Variants in HAUS2 observed in about 807,000 individuals in gnomAD.
HAUS2 encodes HAUS augmin-like complex subunit 2.
Under a neutral mutation model 21.6 loss-of-function variants are expected in HAUS2, and 20 were observed. That is an observed-to-expected ratio of 0.93 (90% CI 0.65 to 1.35). The LOEUF is 1.35. Ranked by LOEUF, HAUS2 falls within the 40% of genes most tolerant of loss-of-function variation. The pLI is 0.00. For synonymous variants in HAUS2, 113 were observed against 95.6 expected (o/e 1.18, Z -1.06); for missense variants, 297 against 280.7 (o/e 1.06, Z -0.42).
intron 1 of HAUS2, among the ~76,000 whole-genome samples, chr15:42,556,752 C>CGCAGCATT (rs2057780658): frequency 6.6e-6 from 1 of 151,336 alleles, no homozygotes; most frequent in Admixed American, 6.6e-5. Flanking sequence ...CGCCTGTAAT[C>CGCAGCATT]TGGGCACTCT....
chr15:42,554,063 A>G (rs1481023169), intron 1 of HAUS2, among the ~76,000 whole-genome samples: 1 of 152,216 alleles, frequency 6.6e-6, no homozygotes, highest in Non-Finnish European at 1.5e-5. Flanking sequence ...TAGAGTATTA[A>G]CTGGATTTTA....
At chr15:42,559,986 T>C (rs985884932) in intron 3 of HAUS2, among the ~76,000 whole-genome samples, 12 of 152,050 alleles carry the variant, frequency 7.9e-5, no homozygotes, top group African/African-American at 2.7e-4. Flanking sequence ...AAACCCTATC[T>C]CTACAAAAAA....
intron 1 of HAUS2, among the ~76,000 whole-genome samples, chr15:42,554,735 C>A (rs1264002513): frequency 1.3e-5 from 2 of 151,748 alleles, no homozygotes; most frequent in East Asian, 3.9e-4. Flanking sequence ...AGGTGATCTA[C>A]CCCCTCGGCC....
chr15:42,563,781 C>A lies in HAUS2; in HGVS notation c.422C>A (p.Thr141Asn). 1 of 1,577,662 alleles carries A rather than the reference C, an allele frequency of 6.3e-7. No individual in the cohort carries two copies. Among genetic ancestry groups the A allele is most frequent in the Non-Finnish European group, 8.7e-7 (1 of 1,151,336 alleles). ...YMVHLLELAV[T>N]FIERLETHLE... Reference sequence around the variant, plus strand: ...GTACATTTGCTGGAGTTGGCTGTGACTTTCATTGAGAGATTAGAAACCCAC... The same window carrying A: ...GTACATTTGCTGGAGTTGGCTGTGAATTTCATTGAGAGATTAGAAACCCAC... The change falls in exon 5 of 6, where the codon ACT (threonine) becomes AAT (asparagine). Residue 141 changes from threonine (T) to asparagine (N), a missense_variant. Thr to Asn is a moderately conservative substitution (Grantham distance 65, BLOSUM62 0). Transcript: ENST00000260372.
chr15:42,548,914 C>G lies in HAUS2; in HGVS notation c.42C>G (p.Asn14Lys), dbSNP rs1298050770. The G allele has an allele frequency of 6.5e-7, 1 of 1,548,518 alleles. No individual in the cohort carries two copies. The highest frequency in any genetic ancestry group is 8.7e-7 in the Non-Finnish European group (1 of 1,145,348). The change falls in exon 1 of 6, where the codon AAC becomes AAG. Residue 14 changes from asparagine (N) to lysine (K), a missense_variant. Transcript: ENST00000260372. Reference sequence around the variant, plus strand: ...CGTGGGACCCGGCGTCCGCGCCTAACGGCGCTGGGCTAGTGCTAGGCCACT... The same window carrying G: ...CGTGGGACCCGGCGTCCGCGCCTAAGGGCGCTGGGCTAGTGCTAGGCCACT... Reference protein sequence around the residue: ...ANPWDPASAPNGAGLVLGHFI... With the variant: ...ANPWDPASAPKGAGLVLGHFI...
rs777869111 is a variant in HAUS2, at chr15:42,558,185, C to T, written c.94-13C>T. ...GTGACATTCTGCTACTTTCCTTATT[C>T]ATTTACCAATAGGAGATGTTAAACA... On this transcript the variant is annotated splice_polypyrimidine_tract_variant and intron_variant, in intron 1 of 5. Coordinates refer to ENST00000260372, the MANE Select transcript of HAUS2 (RefSeq NM_018097.3). 8.4e-7 allele frequency: 1 copy of T among 1,188,636 alleles called. No homozygotes were observed. Among genetic ancestry groups the T allele is most frequent in the South Asian group, 1.3e-5 (1 of 77,698 alleles). The allele number at this position is 1,188,636 out of a possible 1,614,324, so 73.6% of individuals were successfully genotyped here.
chr15:42,557,189 G>C (rs1369765637), intron 1 of HAUS2, among the ~76,000 whole-genome samples: 1 of 144,994 alleles, frequency 6.9e-6, no homozygotes, highest in African/African-American at 2.5e-5. Context: ...GGTGGTGGGC[G>C]CCTGTAGTCC....
At chr15:42,559,840 G>T (rs1034532939) in intron 3 of HAUS2, among the ~76,000 whole-genome samples, 2 of 152,114 alleles carry the variant, frequency 1.3e-5, no homozygotes, top group Non-Finnish European at 2.9e-5. Context: ...ACCATGGCTG[G>T]CAATGTTTTG....
intron 5 of HAUS2, among the ~76,000 whole-genome samples, chr15:42,564,414 C>A (rs748784253): frequency 6.6e-6 from 1 of 151,818 alleles, no homozygotes; most frequent in African/African-American, 2.4e-5. Flanking sequence ...TTCATTGTGC[C>A]GTGGCTATGC....
At chr15:42,559,299 T>G in intron 2 of HAUS2, 40 bp from the exon 3 acceptor site, 1 of 1,278,244 alleles carries the variant, frequency 7.8e-7, no homozygotes, top group African/African-American at 1.5e-5. Context: ...CCATGGACAC[T>G]TTCTGATTGA....
rs878864583 is a variant in HAUS2 at position 42,569,284 on chromosome 15, G to A, written c.*2468G>A. ...GTACATCAGTTTTGTTTTTTGTTTT[G>A]TTCTTTTCTTTCCTTTTTTTTTTTT... On this transcript the variant is annotated 3_prime_UTR_variant, in exon 6 of 6. Transcript: ENST00000260372. 7.3e-6 allele frequency: 1 copy of A among 136,276 alleles called. No individual in the cohort carries two copies. The highest frequency in any genetic ancestry group is 2.2e-4 in the East Asian group (1 of 4,644). 8.4% of individuals were successfully genotyped at this position (136,276 alleles called of 1,614,324 possible).
At chr15:42,566,405 T>C (rs149660527) in intron 5 of HAUS2, among the ~76,000 whole-genome samples, 2 of 152,282 alleles carry the variant, frequency 1.3e-5, no homozygotes, top group East Asian at 1.9e-4. Context: ...GTCATCTGCA[T>C]TGAGTGATTA....
In HAUS2 at chr15:42,558,179, C is replaced by G. The variant is rs1039198065; in HGVS notation, c.94-19C>G. Reference sequence around the variant, plus strand: ...CTTTTTGTGACATTCTGCTACTTTCCTTATTCATTTACCAATAGGAGATGT... The same window carrying G: ...CTTTTTGTGACATTCTGCTACTTTCGTTATTCATTTACCAATAGGAGATGT... On this transcript the variant is annotated intron_variant, in intron 1 of 5. Coordinates refer to ENST00000260372, the MANE Select transcript of HAUS2 (RefSeq NM_018097.3). The G allele has an allele frequency of 5.5e-6, 6 of 1,091,444 alleles. No individual in the cohort carries two copies. The highest frequency in any genetic ancestry group is 1.8e-5 in the Admixed American group (1 of 54,248). The allele number at this position is 1,091,444 out of a possible 1,614,324, so 67.6% of individuals were successfully genotyped here. A position where few individuals can be genotyped will look rare whatever the true frequency, so the allele number is the denominator to read the frequency against.
Position 42,569,670 on chromosome 15 carries a change from G to A in HAUS2, c.*2854G>A, listed in dbSNP as rs2057941787. 6.6e-6 allele frequency: 1 copy of A among 152,132 alleles called. No individual in the cohort carries two copies. Among genetic ancestry groups the A allele is most frequent in the African/African-American group, 2.4e-5 (1 of 41,420 alleles). The allele number at this position is 152,132 out of a possible 1,614,324, so 9.4% of individuals were successfully genotyped here. ...TAAGTAGTTGTTTATAAGGAAGCAGGATCATTACCAAAATAAATCCTGCTA... is the reference window on the plus strand; with the variant it reads ...TAAGTAGTTGTTTATAAGGAAGCAGAATCATTACCAAAATAAATCCTGCTA... On this transcript the variant is annotated 3_prime_UTR_variant, in exon 6 of 6. Coordinates refer to ENST00000260372, the MANE Select transcript of HAUS2 (RefSeq NM_018097.3).
In HAUS2 at chr15:42,569,756, G is replaced by A. The variant is rs1023519811; in HGVS notation, c.*2940G>A. ...TAATTTTTGCTAGTAGGATAAGAGT[G>A]ATCGTAATATCTCGAACATTACATA... On this transcript the variant is annotated 3_prime_UTR_variant, in exon 6 of 6. Coordinates refer to ENST00000260372, the MANE Select transcript of HAUS2 (RefSeq NM_018097.3). The A allele has an allele frequency of 5.9e-5, 9 of 152,178 alleles. No individual in the cohort carries two copies. The highest frequency in any genetic ancestry group is 1.9e-4 in the African/African-American group (8 of 41,440). 9.4% of individuals were successfully genotyped at this position (152,178 alleles called of 1,614,324 possible).
At chr15:42,557,420 G>A (rs12148496) in intron 1 of HAUS2, among the ~76,000 whole-genome samples, 113 of 5,814 alleles carry the variant, frequency 0.019, 5 homozygotes, top group Middle Eastern at 0.25. Context: ...ATTATATAAT[G>A]TATACATTGT....
intron 1 of HAUS2, among the ~76,000 whole-genome samples, chr15:42,551,533 C>T (rs1186926679): frequency 3.3e-5 from 5 of 151,766 alleles, no homozygotes; most frequent in African/African-American, 4.8e-5. Context: ...CCCAGCTACT[C>T]GGGAAGCCGA....
At chr15:42,564,632 T>C (rs1025975484) in intron 5 of HAUS2, among the ~76,000 whole-genome samples, 1 of 152,180 alleles carries the variant, frequency 6.6e-6, no homozygotes, top group African/African-American at 2.4e-5. Flanking sequence ...AGGATAGGGA[T>C]AGGAAGACTT....
At position 42,551,289 on chromosome 15, in the gene HAUS2, G is replaced by A. The variant is rs137972004; in HGVS notation, c.93+2324G>A. Among the ~76,000 whole-genome samples the A allele has an allele frequency of 1.2e-3, 186 of 152,046 alleles. 2 individuals carry two copies. The highest frequency in any genetic ancestry group is 3.7e-3 in the African/African-American group (155 of 41,498). On this transcript the variant is annotated intron_variant, in intron 1 of 5. Coordinates refer to ENST00000260372, the MANE Select transcript of HAUS2 (RefSeq NM_018097.3). The stretch of plus-strand genomic sequence containing the variant: ...AACCCAGCCTTTTTCTTCTTATCAG[G>A]TTACCTAGTACTCTCACTTGTATTG...
Sources: gnomAD v4.1 joint callset for allele counts (sites outside exome capture counted in the v4.1 genomes callset) on GRCh38, gnomAD v4.1.1 for gene constraint, MANE v1.5 for transcripts, NCBI Gene and HGNC (gene_info 2026-07-23, HGNC 2026-07-21) for gene names.